The following CGNL1 variants were observed in gnomAD, a reference collection of about 807,000 sequenced individuals.
CGNL1 encodes cingulin-like protein 1.
In CGNL1, 132 loss-of-function variants were observed where a neutral mutation model predicts 141.2. That is an observed-to-expected ratio of 0.93 (90% CI 0.81 to 1.08). The LOEUF is 1.08. Ranked by LOEUF, CGNL1 falls within the 50% of genes least tolerant of loss-of-function variation. The probability of loss-of-function intolerance (pLI) is 0.00; values close to 1 mark genes in which losing one functional copy is unlikely to be tolerated. For missense variants in CGNL1, 1,870 were observed against 1,588.6 expected (o/e 1.18, Z -3.01); for synonymous variants, 690 against 622.1 (o/e 1.11, Z -1.63).
Position 57,461,594 on chromosome 15 carries a change from A to G in CGNL1, c.2191-86A>G, listed in dbSNP as rs1270762793. 14 of 1,107,006 alleles carry G rather than the reference A, an allele frequency of 1.3e-5. No individual in the cohort carries two copies. The Middle Eastern group carries it at 6.2e-4, about 49-fold the overall frequency. The allele number at this position is 1,107,006 out of a possible 1,614,324, so 68.6% of individuals were successfully genotyped here. A position where few individuals can be genotyped will look rare whatever the true frequency, so the allele number is the denominator to read the frequency against. On this transcript the variant is annotated intron_variant, in intron 7 of 18. Transcript: ENST00000281282. ...AAGGCCAGGTGAGATGGCTGTGCAC[A>G]TGGGGACTGAACTGGAGGGGAGATA...
At chr15:57,433,600 G>T (rs1257307114) in intron 1 of CGNL1, among the ~76,000 whole-genome samples, 1 of 152,194 alleles carries the variant, frequency 6.6e-6, no homozygotes, top group Non-Finnish European at 1.5e-5. Context: ...AGGCCAGAGA[G>T]ATTGGCCAAA....
intron 8 of CGNL1, among the ~76,000 whole-genome samples, chr15:57,496,168 A>C (rs982330350): frequency 2.6e-5 from 4 of 152,200 alleles, no homozygotes; most frequent in African/African-American, 4.8e-5. Flanking sequence ...AAAACAAAAC[A>C]AAACCCTCCA....
chr15:57,445,629 T>G (rs1264309829), intron 4 of CGNL1, among the ~76,000 whole-genome samples: 1 of 152,200 alleles, frequency 6.6e-6, no homozygotes, highest in African/African-American at 2.4e-5. Flanking sequence ...AAATTGGAAG[T>G]TGTGTGTTTG....
chr15:57,408,713 C>T (rs944161950), intron 1 of CGNL1, among the ~76,000 whole-genome samples: 3 of 151,936 alleles, frequency 2.0e-5, no homozygotes, highest in Non-Finnish European at 2.9e-5. Flanking sequence ...GGTTCGTAGA[C>T]GCCCTTTTTA....
At chr15:57,409,856 C>A (rs1253546845) in intron 1 of CGNL1, among the ~76,000 whole-genome samples, 9 of 152,102 alleles carry the variant, frequency 5.9e-5, no homozygotes, top group Non-Finnish European at 1.0e-4. Context: ...CCAATAAAAC[C>A]ACTGCTTGGT....
At position 57,528,831 on chromosome 15, in the gene CGNL1, A is replaced by G. The variant is rs760851952; in HGVS notation, c.3201+16A>G. Reference sequence around the variant, plus strand: ...GCAGATGGAGGTCTGTGGGCCGTACAGTGTGAGCTGGGGGACCTGCAGAGA... The same window carrying G: ...GCAGATGGAGGTCTGTGGGCCGTACGGTGTGAGCTGGGGGACCTGCAGAGA... On this transcript the variant is annotated intron_variant, in intron 13 of 18. Transcript: ENST00000281282. 2.5e-6 allele frequency: 4 copies of G among 1,612,018 alleles called. No individual in the cohort carries two copies. The South Asian group carries it at 3.3e-5, about 13-fold the overall frequency.
chr15:57,475,711 C>A (rs1240146695), intron 8 of CGNL1, among the ~76,000 whole-genome samples: 1 of 152,138 alleles, frequency 6.6e-6, no homozygotes, highest in African/African-American at 2.4e-5. Context: ...CAGCCTCAGA[C>A]TGTCTTTTCT....
rs558716408 is a variant in CGNL1, at chr15:57,441,391, C to T, written c.1697+920C>T. Reference sequence around the variant, plus strand: ...ATTATTTTTTTTTTATTTTTTGGGACAGAGTCTCACTCTGTCATCCAGGCT... The same window carrying T: ...ATTATTTTTTTTTTATTTTTTGGGATAGAGTCTCACTCTGTCATCCAGGCT... On this transcript the variant is annotated intron_variant, in intron 3 of 18. Transcript: ENST00000281282. Among the ~76,000 whole-genome samples, 4 of 151,562 alleles carry T rather than the reference C, an allele frequency of 2.6e-5. No homozygotes were observed. In the East Asian group the frequency reaches 7.8e-4, roughly 29 times the overall value.
chr15:57,449,471 G>A (rs532659465), intron 4 of CGNL1, among the ~76,000 whole-genome samples: 1 of 152,140 alleles, frequency 6.6e-6, no homozygotes, highest in South Asian at 2.1e-4. Flanking sequence ...CCCGTTTACT[G>A]TCCTGTCCCC....
At chr15:57,405,076 A>T (rs560849157) in intron 1 of CGNL1, 1 of 152,058 alleles carries the variant, frequency 6.6e-6, no homozygotes, top group East Asian at 1.9e-4. Context: ...CTTTTTTTTG[A>T]AATATGAGAT....
chr15:57,439,489 T>A lies in CGNL1; in HGVS notation c.1490T>A (p.Val497Glu), dbSNP rs770199558. ...GCACAGAGTAAAAAGGAGGAGGAGG[T>A]GAAAACAGCCACCGCTACGCTGATG... ...LGAQSKKEEE[V>E]KTATATLMLQ... is the part of the protein sequence containing the mutation. Residue 497 changes from valine to glutamate, a missense_variant, in exon 2 of 19, where the codon GTG (valine) becomes GAG (glutamate). Coordinates refer to ENST00000281282, the MANE Select transcript of CGNL1 (RefSeq NM_032866.5). 6.2e-7 allele frequency: 1 copy of A among 1,614,106 alleles called. No homozygotes were observed. The highest frequency in any genetic ancestry group is 8.5e-7 in the Non-Finnish European group (1 of 1,180,020).
At chr15:57,433,927 C>A (rs1378333825) in intron 1 of CGNL1, among the ~76,000 whole-genome samples, 7 of 133,426 alleles carry the variant, frequency 5.2e-5, no homozygotes, top group African/African-American at 1.9e-4. Context: ...CAGTGGAATA[C>A]TTTTTTCTTT....
At chr15:57,396,933 G>C (rs1357795596) in intron 1 of CGNL1, 1 of 152,168 alleles carries the variant, frequency 6.6e-6, no homozygotes, top group Non-Finnish European at 1.5e-5. Context: ...GGAGTTTATA[G>C]TCCAGTGGAA....
chr15:57,418,955 T>G, intron 1 of CGNL1, among the ~76,000 whole-genome samples: 1 of 149,294 alleles, frequency 6.7e-6, no homozygotes, highest in African/African-American at 2.5e-5. Flanking sequence ...TGAGACAGAG[T>G]CTTGCTCTGT....
chr15:57,546,463 C>T (rs1284105073), intron 18 of CGNL1, among the ~76,000 whole-genome samples: 2 of 152,178 alleles, frequency 1.3e-5, no homozygotes, highest in Non-Finnish European at 2.9e-5. Context: ...CCAATGCCAG[C>T]TGAGCTGGGT....
intron 8 of CGNL1, among the ~76,000 whole-genome samples, chr15:57,509,209 C>G (rs1328486755): frequency 6.6e-6 from 1 of 152,194 alleles, no homozygotes; most frequent in Non-Finnish European, 1.5e-5. Context: ...TAGTACCTCT[C>G]AGCTGGGATC....
At chr15:57,507,373 A>T (rs536764677) in intron 8 of CGNL1, among the ~76,000 whole-genome samples, 11 of 152,202 alleles carry the variant, frequency 7.2e-5, no homozygotes, top group Non-Finnish European at 1.5e-4. Flanking sequence ...TTTGTCTTGG[A>T]CCTATATTTT....
intron 1 of CGNL1, among the ~76,000 whole-genome samples, chr15:57,403,581 C>A (rs892380808): frequency 6.6e-6 from 1 of 152,126 alleles, no homozygotes; most frequent in African/African-American, 2.4e-5. Flanking sequence ...AGAGGCTGAC[C>A]CGCAGCCCTT....
At chr15:57,445,886 C>T (rs1240466185) in intron 4 of CGNL1, among the ~76,000 whole-genome samples, 2 of 152,150 alleles carry the variant, frequency 1.3e-5, no homozygotes, top group African/African-American at 4.8e-5. Flanking sequence ...AAAAAAAGAT[C>T]CATTAATATT....
Sources: gnomAD v4.1 joint callset for allele counts (sites outside exome capture counted in the v4.1 genomes callset) on GRCh38, gnomAD v4.1.1 for gene constraint, MANE v1.5 for transcripts, NCBI Gene and HGNC (gene_info 2026-07-23, HGNC 2026-07-21) for gene names.